NSUN4: variants seen among roughly 807,000 people sequenced by gnomAD.
The protein encoded by NSUN4 is NOP2/Sun RNA methyltransferase 4, also known as 5-cytosine rRNA methyltransferase NSUN4.
NSUN4 carries 31 observed loss-of-function variants against 43.8 expected under a neutral mutation model. The ratio of observed to expected loss-of-function variants is 0.71; its 90% CI spans 0.53 to 0.96. NSUN4 has a LOEUF of 0.96. Ranked by LOEUF, NSUN4 falls within the 40% of genes least tolerant of loss-of-function variation. The pLI is 0.00. For synonymous variants in NSUN4, 167 were observed against 184.1 expected (o/e 0.91, Z 0.75); for missense variants, 439 against 475.6 (o/e 0.92, Z 0.72).
the NSUN4 span, among the ~76,000 whole-genome samples, chr1:46,374,565 C>T: frequency 1.5e-4 from 23 of 151,954 alleles, no homozygotes; most frequent in East Asian, 9.7e-4. Flanking sequence ...GCTGAGAGGG[C>T]GCCACTGCAC....
chr1:46,340,876 A>G lies in NSUN4; in HGVS notation c.50A>G (p.Asp17Gly), dbSNP rs370421842. The change falls in exon 1 of 6, where the codon GAC becomes GGC. Residue 17 changes from aspartate to glycine, a missense_variant. By Grantham distance (94) the Asp-to-Gly change is moderately conservative (BLOSUM62 -1). Coordinates refer to ENST00000474844, the MANE Select transcript of NSUN4 (RefSeq NM_199044.4). Reference sequence around the variant, plus strand: ...GTCCGGGAGCTGCTGAAGCGTGTGGACCTCGCGACGGTCCCGCGGAGACAT... The same window carrying G: ...GTCCGGGAGCTGCTGAAGCGTGTGGGCCTCGCGACGGTCCCGCGGAGACAT... Reference protein sequence around the residue: ...RGVRELLKRVDLATVPRRHRY... With the variant: ...RGVRELLKRVGLATVPRRHRY... 61 of 1,613,428 alleles carry G rather than the reference A, an allele frequency of 3.8e-5. No individual in the cohort carries two copies. The highest frequency in any genetic ancestry group is 5.1e-5 in the Non-Finnish European group (60 of 1,179,808).
At chr1:46,347,709 G>A (rs1462051668) in intron 3 of NSUN4, among the ~76,000 whole-genome samples, 1 of 152,014 alleles carries the variant, frequency 6.6e-6, no homozygotes. Context: ...GATAAGATCT[G>A]CCTGCAGCCA....
chr1:46,355,307 G>A (rs1026080245), intron 4 of NSUN4, among the ~76,000 whole-genome samples: 1 of 152,204 alleles, frequency 6.6e-6, no homozygotes, highest in Non-Finnish European at 1.5e-5. Flanking sequence ...CACTTACAAT[G>A]TTAGGAAGTT....
chr1:46,343,195 C>A (rs1364832186), intron 1 of NSUN4: 2 of 397,974 alleles, frequency 5.0e-6, no homozygotes, highest in Admixed American at 8.8e-5. Context: ...GGCCCCCCTC[C>A]CATTGTGCCC....
the NSUN4 span, among the ~76,000 whole-genome samples, chr1:46,374,168 C>T: frequency 1.3e-5 from 2 of 151,446 alleles, no homozygotes; most frequent in African/African-American, 2.4e-5. Context: ...TGCCTGTAAT[C>T]CCAGCTACTC....
At position 46,361,966 on chromosome 1, in the gene NSUN4, C is replaced by A. The variant is rs987058796; in HGVS notation, c.*120C>A. ...GGTCCTGTCTCCATCCTGTTCGTGTCTTTCTGCAGTTTTCGGCAATAAGAA... is the reference window on the plus strand; with the variant it reads ...GGTCCTGTCTCCATCCTGTTCGTGTATTTCTGCAGTTTTCGGCAATAAGAA... On this transcript the variant is annotated 3_prime_UTR_variant, in exon 6 of 6. Coordinates refer to ENST00000474844, the MANE Select transcript of NSUN4 (RefSeq NM_199044.4). The A allele has an allele frequency of 4.3e-6, 4 of 923,096 alleles. No homozygotes were observed. Among genetic ancestry groups the A allele is most frequent in the African/African-American group, 3.3e-5 (2 of 60,020 alleles). The allele number at this position is 923,096 out of a possible 1,614,324, so 57.2% of individuals were successfully genotyped here.
At chr1:46,384,743 C>T in the NSUN4 span, among the ~76,000 whole-genome samples, 7 of 152,038 alleles carry the variant, frequency 4.6e-5, no homozygotes, top group African/African-American at 1.4e-4. Context: ...CATCCCTTTC[C>T]GCTGTATCAA....
At position 46,345,119 on chromosome 1, in the gene NSUN4, G is replaced by T; in HGVS notation, c.412G>T (p.Asp138Tyr). Residue 138 changes from aspartate (D) to tyrosine (Y), a missense_variant, in exon 2 of 6, where the codon GAT becomes TAT. Coordinates refer to ENST00000474844, the MANE Select transcript of NSUN4 (RefSeq NM_199044.4). The stretch of plus-strand genomic sequence containing the variant: ...TCGATGCTTCACTTTTGACAGAGGG[G>T]ATATCAGTCGCTTCCCTCCTGCCAG... ...NLRCFTFDRG[D>Y]ISRFPPARPG... is the part of the protein sequence containing the mutation. 6.2e-7 allele frequency: 1 copy of T among 1,609,878 alleles called. No homozygotes were observed. Among genetic ancestry groups the T allele is most frequent in the Non-Finnish European group, 8.5e-7 (1 of 1,177,830 alleles).
downstream of NSUN4, among the ~76,000 whole-genome samples, chr1:46,369,796 A>G (rs56049453): frequency 0.22 from 34,092 of 152,158 alleles, 4,286 homozygotes; most frequent in Non-Finnish European, 0.29. Context: ...AACCTACAAC[A>G]GGGCTTTCTG....
chr1:46,376,459 A>C, the NSUN4 span, among the ~76,000 whole-genome samples: 2 of 152,110 alleles, frequency 1.3e-5, no homozygotes, highest in Non-Finnish European at 2.9e-5. Flanking sequence ...AGTTTTTGCC[A>C]GTGAATTTAT....
At chr1:46,352,184 C>A (rs1448405736) in intron 3 of NSUN4, among the ~76,000 whole-genome samples, 1 of 148,474 alleles carries the variant, frequency 6.7e-6, no homozygotes, top group African/African-American at 2.5e-5. Context: ...GGTGCAGTGG[C>A]TCACACCTGT....
At chr1:46,368,606 C>A (rs11809450), downstream of NSUN4, among the ~76,000 whole-genome samples, 36 of 152,238 alleles carry the variant, frequency 2.4e-4, no homozygotes, top group Non-Finnish European at 3.2e-4. Flanking sequence ...CAACCTAAAT[C>A]GCTGACCTCC....
intron 3 of NSUN4, among the ~76,000 whole-genome samples, chr1:46,348,746 T>C (rs1569744652): frequency 6.9e-6 from 1 of 145,264 alleles, no homozygotes; most frequent in African/African-American, 2.5e-5. Flanking sequence ...AGTGGATTCC[T>C]TGGGGATAGG....
At chr1:46,376,871 C>G in the NSUN4 span, among the ~76,000 whole-genome samples, 1 of 151,990 alleles carries the variant, frequency 6.6e-6, no homozygotes, top group Non-Finnish European at 1.5e-5. Context: ...AATTCTTCTG[C>G]CTCAGCCTCC....
At chr1:46,341,623 C>T (rs971710254) in intron 1 of NSUN4, 142 of 1,220,598 alleles carry the variant, frequency 1.2e-4, no homozygotes, top group Non-Finnish European at 1.4e-4. Context: ...CAGCCGATTC[C>T]CTCGCCACCT....
chr1:46,345,300 A>G, intron 2 of NSUN4, 156 bp downstream of exon 2: 1 of 578,692 alleles, frequency 1.7e-6, no homozygotes, highest in Non-Finnish European at 3.0e-6. Flanking sequence ...TGCTGTACAT[A>G]TGTTATCTCT....
the NSUN4 span, among the ~76,000 whole-genome samples, chr1:46,380,134 C>G: frequency 1.5e-3 from 221 of 152,324 alleles, 1 homozygote; most frequent in Middle Eastern, 6.8e-3. Context: ...TTCACACCCT[C>G]TGGAATCTGA....
intron 4 of NSUN4, among the ~76,000 whole-genome samples, chr1:46,358,480 C>T (rs939754486): frequency 3.1e-4 from 45 of 144,812 alleles, no homozygotes; most frequent in Middle Eastern, 4.2e-3. Flanking sequence ...CGGCTCACTG[C>T]AACCTGTGCC....
chr1:46,378,471 A>G, the NSUN4 span, among the ~76,000 whole-genome samples: 2 of 152,210 alleles, frequency 1.3e-5, no homozygotes, highest in African/African-American at 4.8e-5. Context: ...TGTTGGGATT[A>G]CAGGCATGAG....
Sources: gnomAD v4.1 joint callset for allele counts (sites outside exome capture counted in the v4.1 genomes callset) on GRCh38, gnomAD v4.1.1 for gene constraint, MANE v1.5 for transcripts, NCBI Gene and HGNC (gene_info 2026-07-23, HGNC 2026-07-21) for gene names.